Variants in DENND2A observed in about 807,000 individuals in gnomAD.
DENND2A encodes DENN domain containing 2A, also known as DENN domain-containing protein 2A.
DENND2A carries 53 observed loss-of-function variants against 105.3 expected under a neutral mutation model. The observed-to-expected ratio is 0.50, with a 90% CI of 0.40 to 0.63. The LOEUF (loss-of-function observed/expected upper bound fraction) is 0.63, where lower values mean the gene tolerates loss of function less well. Ranked by LOEUF, DENND2A falls within the 30% of genes least tolerant of loss-of-function variation. The pLI, the probability that DENND2A is intolerant of heterozygous loss-of-function variation, is 0.00. For missense variants in DENND2A, 1,138 were observed against 1,279.6 expected (o/e 0.89, Z 1.69); for synonymous variants, 522 against 508.4 (o/e 1.03, Z -0.36).
At position 140,527,185 on chromosome 7, in the gene DENND2A, G is replaced by A; in HGVS notation, c.2505+133C>T. On this transcript the variant is annotated intron_variant, in intron 15 of 19. Transcript: ENST00000496613. The surrounding 1 kb of genome is among the most constrained non-coding windows in gnomAD (Gnocchi z 4.9). ...CTGGGCAGGACCCATGCCAGACAAA[G>A]CCCTGGTGCCCCCACGCCCTGCTCC... 1.0e-6 allele frequency: 1 copy of A among 976,466 alleles called. No individual in the cohort carries two copies. The highest frequency in any genetic ancestry group is 1.5e-6 in the Non-Finnish European group (1 of 686,544). The allele number at this position is 976,466 out of a possible 1,614,324, so 60.5% of individuals were successfully genotyped here.
chr7:140,544,500 CA>C, intron 14 of DENND2A, 117 bp downstream of exon 14: 1 of 1,374,632 alleles, frequency 7.3e-7, no homozygotes, highest in Admixed American at 1.9e-5. Flanking sequence ...CAGCCTATTC[CA>C]TCCTTATCTC....
At chr7:140,638,796 T>C (rs1050485371) in intron 1 of DENND2A, among the ~76,000 whole-genome samples, 18 of 152,238 alleles carry the variant, frequency 1.2e-4, no homozygotes, top group African/African-American at 4.3e-4. Flanking sequence ...AGCCCAAGCA[T>C]CACCTAATCT....
intron 3 of DENND2A, among the ~76,000 whole-genome samples, chr7:140,594,402 T>A (rs956729061): frequency 5.3e-5 from 8 of 152,148 alleles, no homozygotes; most frequent in Admixed American, 3.3e-4. Context: ...GTCTTTCCTG[T>A]CTCAGGGCTT....
At chr7:140,580,593 T>C (rs565039384) in intron 5 of DENND2A, among the ~76,000 whole-genome samples, 235 of 152,266 alleles carry the variant, frequency 1.5e-3, no homozygotes, top group Middle Eastern at 6.8e-3. Context: ...GTGCTAGGAT[T>C]ACAGGCATGG....
chr7:140,626,472 G>A (rs761248398), intron 1 of DENND2A, among the ~76,000 whole-genome samples: 13 of 152,298 alleles, frequency 8.5e-5, no homozygotes, highest in Non-Finnish European at 1.8e-4. Flanking sequence ...CAGCCTCGGG[G>A]CCTGTGCCTC....
chr7:140,640,343 C>G lies in DENND2A; in HGVS notation c.-248+161G>C, dbSNP rs533291025. ...ACGCCTGGATCGCGCTCTGCACAGT[C>G]CCGGGACCAGGCGGGAACTCAGACT... is the stretch of plus-strand genomic sequence containing the variant. On this transcript the variant is annotated intron_variant, in intron 1 of 19. Coordinates refer to ENST00000496613, the MANE Select transcript of DENND2A (RefSeq NM_015689.5). This position sits in a 1 kb window ranked among gnomAD's most constrained non-coding sequence, Gnocchi z 4.9. The G allele has an allele frequency of 6.6e-6, 1 of 152,240 alleles. No homozygotes were observed. The highest frequency in any genetic ancestry group is 2.4e-5 in the African/African-American group (1 of 41,460). 9.4% of individuals were successfully genotyped at this position (152,240 alleles called of 1,614,324 possible). A position where few individuals can be genotyped will look rare whatever the true frequency, so the allele number is the denominator to read the frequency against.
intron 6 of DENND2A, 31 bp from the exon 7 acceptor site, chr7:140,569,769 G>A (rs1798014985): frequency 6.8e-7 from 1 of 1,476,408 alleles, no homozygotes. Context: ...AACAGCCAGT[G>A]TTAGCAGCCC....
chr7:140,609,395 C>A (rs1336334144), intron 1 of DENND2A, among the ~76,000 whole-genome samples: 2 of 152,140 alleles, frequency 1.3e-5, no homozygotes, highest in African/African-American at 2.4e-5. Context: ...CGCTTATAAT[C>A]CCAGCTACTC....
intron 9 of DENND2A, among the ~76,000 whole-genome samples, chr7:140,564,860 C>T (rs747748960): frequency 6.6e-6 from 1 of 152,168 alleles, no homozygotes; most frequent in African/African-American, 2.4e-5. Context: ...CAGCCCTTCA[C>T]GCCTCAGTGA....
At chr7:140,589,884 C>T (rs1798939394) in intron 3 of DENND2A, among the ~76,000 whole-genome samples, 1 of 152,180 alleles carries the variant, frequency 6.6e-6, no homozygotes, top group Non-Finnish European at 1.5e-5. Context: ...CTGTCTCAGC[C>T]TCCCTGTTGT....
At chr7:140,592,489 G>A (rs1249906169) in intron 3 of DENND2A, among the ~76,000 whole-genome samples, 2 of 152,244 alleles carry the variant, frequency 1.3e-5, no homozygotes, top group African/African-American at 2.4e-5. Flanking sequence ...GGGATTACAG[G>A]TGAGAGCCAC....
chr7:140,571,472 A>T (rs1240856153), intron 6 of DENND2A, among the ~76,000 whole-genome samples: 3 of 152,060 alleles, frequency 2.0e-5, no homozygotes, highest in Admixed American at 6.6e-5. Context: ...GAATATTTCA[A>T]TTCTTATTTT....
At position 140,601,605 on chromosome 7, in the gene DENND2A, G is replaced by C; in HGVS notation, c.793C>G (p.Pro265Ala). ...AACGTTCTCCGGGGTTTTGGCAGAGGGTTGATGAAGGGCTTTGTGGGGGAA... is the reference window on the plus strand; with the variant it reads ...AACGTTCTCCGGGGTTTTGGCAGAGCGTTGATGAAGGGCTTTGTGGGGGAA... ...EGSPTKPFIN[P>A]LPKPRRTFKH... Residue 265 changes from proline (P) to alanine (A), a missense_variant, in exon 3 of 20, where the codon CCT (proline) becomes GCT (alanine). Pro to Ala is a conservative substitution (Grantham distance 27). This residue lies in a region of DENND2A where 511 missense variants were observed against 499.9 expected (regional missense o/e 1.02). Transcript: ENST00000496613. The C allele has an allele frequency of 6.2e-7, 1 of 1,613,872 alleles. No individual in the cohort carries two copies. The highest frequency in any genetic ancestry group is 8.5e-7 in the Non-Finnish European group (1 of 1,179,842).
rs74734231 is a variant in DENND2A at position 140,573,257 on chromosome 7, C to T, written c.1446+551G>A. Among the ~76,000 whole-genome samples, 913 of 152,300 alleles carry T rather than the reference C, an allele frequency of 6.0e-3. 11 individuals are homozygous for T. The highest frequency in any genetic ancestry group is 0.02 in the African/African-American group (822 of 41,562). ...TAGAGGAGAAATTCTGCCTACCCTA[C>T]AGTACCAAATTGGTCAATGAAGAGA... On this transcript the variant is annotated intron_variant, in intron 6 of 19. Transcript: ENST00000496613.
intron 14 of DENND2A, among the ~76,000 whole-genome samples, chr7:140,538,671 A>G (rs1796536849): frequency 1.3e-5 from 2 of 148,466 alleles, no homozygotes; most frequent in African/African-American, 5.0e-5. Flanking sequence ...CATGCCCGCT[A>G]ATTTTTGTAT....
At chr7:140,528,554 G>A (rs1796142742) in intron 14 of DENND2A, among the ~76,000 whole-genome samples, 1 of 150,576 alleles carries the variant, frequency 6.6e-6, no homozygotes, top group African/African-American at 2.4e-5. Context: ...TGGATCACCT[G>A]AGGTCAGGAG....
Position 140,578,871 on chromosome 7 carries a change from C to T in DENND2A, c.1246-4863G>A, listed in dbSNP as rs533061173. 2.0e-3 allele frequency among the ~76,000 whole-genome samples: 312 copies of T among 152,234 alleles called. 1 individual carries two copies. The highest frequency in any genetic ancestry group is 7.3e-3 in the African/African-American group (305 of 41,554). On this transcript the variant is annotated intron_variant, in intron 5 of 19. Transcript: ENST00000496613. Reference sequence around the variant, plus strand: ...CCTGGGCGACAGCGTGAGACTTCGTCTCATAAAATAAAATAAAAATAGAAA... The same window carrying T: ...CCTGGGCGACAGCGTGAGACTTCGTTTCATAAAATAAAATAAAAATAGAAA...
At chr7:140,575,491 T>C (rs771276515) in intron 5 of DENND2A, among the ~76,000 whole-genome samples, 2 of 152,104 alleles carry the variant, frequency 1.3e-5, no homozygotes, top group African/African-American at 4.8e-5. Flanking sequence ...TCTGCTGATA[T>C]ACTCTTATTT....
chr7:140,536,599 G>C (rs1247910160), intron 14 of DENND2A, among the ~76,000 whole-genome samples: 5 of 152,112 alleles, frequency 3.3e-5, no homozygotes, highest in African/African-American at 1.2e-4. Context: ...TATCTTGTTG[G>C]TGTTCATATG....
Sources: gnomAD v4.1 joint callset for allele counts (sites outside exome capture counted in the v4.1 genomes callset) on GRCh38, gnomAD v4.1.1 for gene constraint, gnomAD v4.1.1 regional missense constraint, Gnocchi (gnomAD v3.1) non-coding constraint, MANE v1.5 for transcripts, NCBI Gene and HGNC (gene_info 2026-07-23, HGNC 2026-07-21) for gene names.